The following KDM4C variants were observed in gnomAD, a reference collection of about 807,000 sequenced individuals.
The protein encoded by KDM4C is lysine demethylase 4C, also known as lysine-specific demethylase 4C.
A neutral mutation model predicts 129.3 loss-of-function variants in KDM4C; 81 were observed. The observed-to-expected ratio is 0.63, with a 90% CI of 0.52 to 0.75. The LOEUF (loss-of-function observed/expected upper bound fraction) is 0.75. KDM4C is among the 30% of genes least tolerant of loss of function. KDM4C has a pLI of 0.00. For missense variants in KDM4C, 1,457 were observed against 1,304.0 expected (o/e 1.12, Z -1.81); for synonymous variants, 573 against 456.1 (o/e 1.26, Z -3.26).
intron 14 of KDM4C, among the ~76,000 whole-genome samples, chr9:7,014,952 A>ACACC (rs1554697196): frequency 4.1e-5 from 6 of 145,840 alleles, no homozygotes; most frequent in South Asian, 2.2e-4. Context: ...ACACACACAC[A>ACACC]CCTTACATTA....
At chr9:6,764,210 C>T (rs1820166967) in intron 1 of KDM4C, among the ~76,000 whole-genome samples, 1 of 152,142 alleles carries the variant, frequency 6.6e-6, no homozygotes. Flanking sequence ...ATAGGCTGCC[C>T]AGTTGGAATT....
At chr9:6,913,152 C>T (rs1198690489) in intron 8 of KDM4C, among the ~76,000 whole-genome samples, 1 of 152,144 alleles carries the variant, frequency 6.6e-6, no homozygotes, top group African/African-American at 2.4e-5. Context: ...AAATAAAGCA[C>T]TAGTACTTAT....
At chr9:7,068,004 G>A (rs1217708407) in intron 17 of KDM4C, among the ~76,000 whole-genome samples, 2 of 152,086 alleles carry the variant, frequency 1.3e-5, no homozygotes, top group Non-Finnish European at 2.9e-5. Context: ...CACCATTTTA[G>A]TCAGGATGGT....
chr9:6,746,952 G>A (rs113613670), intron 1 of KDM4C, among the ~76,000 whole-genome samples: 208 of 136,574 alleles, frequency 1.5e-3, no homozygotes, highest in African/African-American at 5.6e-3. Flanking sequence ...CTTGCAGTGA[G>A]CCGAGATTGC....
chr9:7,026,163 C>T (rs958261684), intron 15 of KDM4C, among the ~76,000 whole-genome samples: 1 of 151,674 alleles, frequency 6.6e-6, no homozygotes, highest in Non-Finnish European at 1.5e-5. Flanking sequence ...CGAGATCGCA[C>T]CGCTGTACTC....
chr9:6,758,182 C>T lies in KDM4C; in HGVS notation c.-39C>T, dbSNP rs917257429. 4 of 986,082 alleles carry T rather than the reference C, an allele frequency of 4.1e-6. No homozygotes were observed. In the Admixed American group the frequency reaches 1.8e-4, roughly 45 times the overall value. 61.1% of individuals were successfully genotyped at this position (986,082 alleles called of 1,614,324 possible). On this transcript the variant is annotated 5_prime_UTR_variant, in exon 1 of 22. Transcript: ENST00000381309. This position sits in a 1 kb window ranked among gnomAD's most constrained non-coding sequence, Gnocchi z 4.6. ...TCTTCCTCCTCCACCGAGTCGTGCT[C>T]TCGCCCCAACCCGCGCGCCAGGTAA... is the stretch of plus-strand genomic sequence containing the variant.
intron 8 of KDM4C, among the ~76,000 whole-genome samples, chr9:6,895,573 A>G (rs1816277486): frequency 6.6e-6 from 1 of 152,078 alleles, no homozygotes; most frequent in East Asian, 1.9e-4. Flanking sequence ...TCTGCCTACT[A>G]CTACAGGGGG....
intron 2 of KDM4C, among the ~76,000 whole-genome samples, chr9:6,795,887 G>C (rs1827652038): frequency 6.6e-6 from 1 of 151,950 alleles, no homozygotes; most frequent in Admixed American, 6.6e-5. Flanking sequence ...GCCTAGGCTG[G>C]TCTCGAACAC....
At chr9:7,040,794 T>C (rs569411114) in intron 15 of KDM4C, among the ~76,000 whole-genome samples, 91 of 152,114 alleles carry the variant, frequency 6.0e-4, no homozygotes, top group African/African-American at 1.5e-3. Context: ...GCTTTTTTTT[T>C]CTCTGATTTT....
intron 19 of KDM4C, among the ~76,000 whole-genome samples, chr9:7,164,521 C>G (rs1200131739): frequency 2.0e-5 from 3 of 152,136 alleles, no homozygotes; most frequent in Non-Finnish European, 4.4e-5. Context: ...ACAGGAGATG[C>G]TGGCAGAAGC....
At chr9:6,834,058 T>C (rs1303325968) in intron 4 of KDM4C, among the ~76,000 whole-genome samples, 1 of 149,932 alleles carries the variant, frequency 6.7e-6, no homozygotes, top group African/African-American at 2.5e-5. Flanking sequence ...TTTTTTTTTT[T>C]AAGATAGTCT....
chr9:6,777,164 C>G (rs1419241595), intron 1 of KDM4C, among the ~76,000 whole-genome samples: 1 of 152,136 alleles, frequency 6.6e-6, no homozygotes, highest in Admixed American at 6.6e-5. Flanking sequence ...GGATTTTGGT[C>G]AATTTAGGCA....
chr9:6,864,098 TA>T (rs1841487950), intron 5 of KDM4C, among the ~76,000 whole-genome samples: 2 of 152,370 alleles, frequency 1.3e-5, no homozygotes, highest in African/African-American at 4.8e-5. Flanking sequence ...TTTGCATCTT[TA>T]AATGTTTTCT....
intron 6 of KDM4C, among the ~76,000 whole-genome samples, chr9:6,883,219 A>G (rs1242453089): frequency 6.6e-6 from 1 of 152,238 alleles, no homozygotes; most frequent in Non-Finnish European, 1.5e-5. Flanking sequence ...TCCCTTAAGC[A>G]TTCACTTAGC....
At chr9:7,114,969 C>G (rs1464119891) in intron 18 of KDM4C, among the ~76,000 whole-genome samples, 1 of 152,144 alleles carries the variant, frequency 6.6e-6, no homozygotes, top group African/African-American at 2.4e-5. Context: ...GTCCCAGCTA[C>G]TTGGGAGGCT....
At chr9:6,927,156 G>A (rs1351661415) in intron 8 of KDM4C, among the ~76,000 whole-genome samples, 1 of 148,600 alleles carries the variant, frequency 6.7e-6, no homozygotes, top group Non-Finnish European at 1.5e-5. Flanking sequence ...TTGAGACAGA[G>A]TCTCTCTTTG....
At chr9:6,760,617 C>G (rs1210600687) in intron 1 of KDM4C, among the ~76,000 whole-genome samples, 1 of 151,930 alleles carries the variant, frequency 6.6e-6, no homozygotes, top group Non-Finnish European at 1.5e-5. Context: ...GTTGCCCAGG[C>G]TGGAGTGCAG....
At chr9:7,148,379 A>G (rs1247405769) in intron 19 of KDM4C, among the ~76,000 whole-genome samples, 2 of 151,844 alleles carry the variant, frequency 1.3e-5, no homozygotes, top group Non-Finnish European at 2.9e-5. Context: ...CAGTACCACC[A>G]CCCCACTTCA....
intron 7 of KDM4C, among the ~76,000 whole-genome samples, chr9:6,889,390 G>A (rs1472648064): frequency 6.6e-6 from 1 of 152,050 alleles, no homozygotes; most frequent in Non-Finnish European, 1.5e-5. Flanking sequence ...TTGTGAATGT[G>A]CCCTCATCAC....
Sources: gnomAD v4.1 joint callset for allele counts (sites outside exome capture counted in the v4.1 genomes callset) on GRCh38, gnomAD v4.1.1 for gene constraint, Gnocchi (gnomAD v3.1) non-coding constraint, MANE v1.5 for transcripts, NCBI Gene and HGNC (gene_info 2026-07-23, HGNC 2026-07-21) for gene names.